GPC5: variants seen among roughly 807,000 people sequenced by gnomAD.
GPC5 encodes the protein glypican-5.
A neutral mutation model predicts 53.9 loss-of-function variants in GPC5; 47 were observed. That is an observed-to-expected ratio of 0.87 (90% confidence interval 0.69 to 1.11). The LOEUF (loss-of-function observed/expected upper bound fraction) is 1.11, where lower values mean the gene tolerates loss of function less well. Among genes scored for constraint, GPC5 ranks in the 50% most tolerant of loss-of-function variants. GPC5 has a pLI of 0.00. For synonymous variants in GPC5, 286 were observed against 263.3 expected, an observed-to-expected ratio of 1.09 and a Z score of -0.84; for missense variants, 748 against 713.1, an observed-to-expected ratio of 1.05 and a Z score of -0.56.
chr13:92,277,077 A>G (rs773246211), intron 7 of GPC5, among the ~76,000 whole-genome samples: 1 of 151,920 alleles, frequency 6.6e-6, no homozygotes, highest in Non-Finnish European at 1.5e-5. Flanking sequence ...GGTTCCAATT[A>G]TGCCTGGTTA....
chr13:92,206,605 C>T (rs764117979), intron 7 of GPC5, among the ~76,000 whole-genome samples: 4 of 152,024 alleles, frequency 2.6e-5, no homozygotes, highest in Non-Finnish European at 5.9e-5. Flanking sequence ...TTTTGTTTTT[C>T]CTCAGACCAG....
At chr13:92,416,581 A>G (rs1414574984) in intron 7 of GPC5, among the ~76,000 whole-genome samples, 1 of 152,230 alleles carries the variant, frequency 6.6e-6, no homozygotes, top group African/African-American at 2.4e-5. Flanking sequence ...TCCAGAGTGT[A>G]TCATAAACAT....
chr13:92,431,455 A>G (rs1877080913), intron 7 of GPC5, among the ~76,000 whole-genome samples: 1 of 150,534 alleles, frequency 6.6e-6, no homozygotes, highest in Non-Finnish European at 1.5e-5. Flanking sequence ...GATTTAGGCT[A>G]AATAGTTGAG....
At chr13:91,902,116 A>G (rs2039503989) in intron 5 of GPC5, among the ~76,000 whole-genome samples, 1 of 151,964 alleles carries the variant, frequency 6.6e-6, no homozygotes, top group Non-Finnish European at 1.5e-5. Context: ...GATTCCAGAT[A>G]TTGTTTCCCC....
chr13:91,693,468 C>T lies in GPC5; in HGVS notation c.607C>T (p.Pro203Ser). The change falls in exon 3 of 8, where the codon CCA becomes TCA. Residue 203 changes from proline (P) to serine (S), a missense_variant. By Grantham distance (74) the Pro-to-Ser change is moderately conservative. Coordinates refer to ENST00000377067, the MANE Select transcript of GPC5 (RefSeq NM_004466.6). ...CCGGATGGCTCGCCGGGATGTGAGT[C>T]CATTTGGTAATATTCCCCAAAGAGT... ...CIRMARRDVS[P>S]FGNIPQRVMG... is the part of the protein sequence containing the mutation. 1 of 1,614,064 alleles carries T rather than the reference C, an allele frequency of 6.2e-7. No individual in the cohort carries two copies. Among genetic ancestry groups the T allele is most frequent in the South Asian group, 1.1e-5 (1 of 91,078 alleles).
intron 2 of GPC5, among the ~76,000 whole-genome samples, chr13:91,597,462 C>T (rs2033035216): frequency 6.6e-6 from 1 of 152,074 alleles, no homozygotes. Context: ...CTGCCAATAC[C>T]CTAGCATCAC....
intron 7 of GPC5, among the ~76,000 whole-genome samples, chr13:92,318,972 G>A (rs1193172111): frequency 2.0e-5 from 3 of 152,128 alleles, no homozygotes; most frequent in African/African-American, 7.2e-5. Context: ...TGTTTGGTTG[G>A]TGGAATGAAT....
At chr13:91,521,827 A>G (rs73606496) in intron 2 of GPC5, among the ~76,000 whole-genome samples, 2,105 of 152,296 alleles carry the variant, frequency 0.014, 45 homozygotes, top group African/African-American at 0.045. Context: ...TCGACTTCAG[A>G]TGCCAGTTAA....
At chr13:91,659,201 C>G (rs1373331952) in intron 2 of GPC5, among the ~76,000 whole-genome samples, 1 of 152,104 alleles carries the variant, frequency 6.6e-6, no homozygotes, top group Non-Finnish European at 1.5e-5. Flanking sequence ...TACATTCACA[C>G]AGTGATTAAA....
rs1876672490 is a variant in GPC5 at position 91,398,803 on chromosome 13, C to A, written c.-244C>A. The A allele has an allele frequency of 4.5e-6, 2 of 441,932 alleles. No individual in the cohort carries two copies. Among genetic ancestry groups the A allele is most frequent in the African/African-American group, 2.0e-5 (1 of 48,852 alleles). The allele number at this position is 441,932 out of a possible 1,614,324, so 27.4% of individuals were successfully genotyped here. ...GCCCCGCCCAGCCGCCCACTCTTCT[C>A]GGCTAGGGAAGAAGACCAGAGGGTG... On this transcript the variant is annotated 5_prime_UTR_variant, in exon 1 of 8. Transcript: ENST00000377067.
intron 2 of GPC5, among the ~76,000 whole-genome samples, chr13:91,612,694 C>T (rs571544167): frequency 6.6e-6 from 1 of 152,114 alleles, no homozygotes; most frequent in African/African-American, 2.4e-5. Flanking sequence ...CAAATGCAGG[C>T]CAATACAATG....
At chr13:92,187,624 G>A (rs1046638760) in intron 7 of GPC5, among the ~76,000 whole-genome samples, 3 of 152,212 alleles carry the variant, frequency 2.0e-5, no homozygotes, top group Non-Finnish European at 4.4e-5. Context: ...TGGGTGCTGT[G>A]AAGAGATTAT....
At chr13:91,539,272 CT>C (rs1175799843) in intron 2 of GPC5, among the ~76,000 whole-genome samples, 1 of 152,152 alleles carries the variant, frequency 6.6e-6, no homozygotes, top group Non-Finnish European at 1.5e-5. Context: ...GTGATAGAAA[CT>C]CACATTCACT....
At chr13:91,792,902 G>A (rs2037989815) in intron 5 of GPC5, among the ~76,000 whole-genome samples, 1 of 152,102 alleles carries the variant, frequency 6.6e-6, no homozygotes, top group Non-Finnish European at 1.5e-5. Flanking sequence ...ACTATACTAA[G>A]GACTGTAATG....
intron 6 of GPC5, among the ~76,000 whole-genome samples, chr13:92,103,320 G>T (rs995033929): frequency 6.6e-6 from 1 of 152,038 alleles, no homozygotes; most frequent in Non-Finnish European, 1.5e-5. Context: ...TCAAAATTAT[G>T]TTATTTTAGC....
chr13:92,010,550 C>A (rs1160505908), intron 6 of GPC5, among the ~76,000 whole-genome samples: 2 of 152,154 alleles, frequency 1.3e-5, no homozygotes. Context: ...CATAATTAGA[C>A]TTGGAGACAC....
At chr13:91,591,466 A>G (rs1053660561) in intron 2 of GPC5, among the ~76,000 whole-genome samples, 2 of 152,050 alleles carry the variant, frequency 1.3e-5, no homozygotes, top group Non-Finnish European at 2.9e-5. Flanking sequence ...GTATTTTTTG[A>G]GTTTTCATGT....
chr13:91,942,364 A>ATTT (rs1259398474), intron 6 of GPC5, among the ~76,000 whole-genome samples: 4 of 152,084 alleles, frequency 2.6e-5, no homozygotes, highest in South Asian at 2.1e-4. Context: ...AAGCTGGTGC[A>ATTT]TACAGTCCAT....
At chr13:92,669,366 G>C (rs1886674763) in intron 7 of GPC5, among the ~76,000 whole-genome samples, 1 of 150,712 alleles carries the variant, frequency 6.6e-6, no homozygotes, top group Non-Finnish European at 1.5e-5. Context: ...ACTACCCAGA[G>C]AGCATGACAG....
Sources: gnomAD v4.1 joint callset for allele counts (sites outside exome capture counted in the v4.1 genomes callset) on GRCh38, gnomAD v4.1.1 for gene constraint, MANE v1.5 for transcripts, NCBI Gene and HGNC (gene_info 2026-07-23, HGNC 2026-07-21) for gene names.